LPP: variants seen among roughly 807,000 people sequenced by gnomAD.
LPP encodes lipoma-preferred partner.
LPP carries 38 observed loss-of-function variants against 60.4 expected under a neutral mutation model. The observed-to-expected ratio is 0.63, with a 90% confidence interval of 0.49 to 0.83. The LOEUF (loss-of-function observed/expected upper bound fraction) is 0.83, where lower values mean the gene tolerates loss of function less well. Among genes scored for constraint, LPP ranks in the 40% least tolerant of loss-of-function variants. The pLI, the probability that LPP is intolerant of heterozygous loss-of-function variation, is 0.00. For missense variants in LPP, 902 were observed against 783.6 expected (o/e 1.15, Z -1.80); for synonymous variants, 328 against 290.8 (o/e 1.13, Z -1.30).
intron 9 of LPP, among the ~76,000 whole-genome samples, chr3:188,762,053 CCATAGTTGATT>C (rs1732543940): frequency 6.6e-6 from 1 of 151,984 alleles, no homozygotes; most frequent in African/African-American, 2.4e-5. Context: ...CTTTTTGACT[CCATAGTTGATT>C]TTTGCTACTT....
chr3:188,676,979 G>T (rs931622941), intron 7 of LPP, among the ~76,000 whole-genome samples: 2 of 152,030 alleles, frequency 1.3e-5, no homozygotes, highest in African/African-American at 4.8e-5. Context: ...AGAGGTCCAT[G>T]TGGTAAAGAG....
At chr3:188,760,409 G>GT in intron 9 of LPP, 127 bp downstream of exon 9, 1 of 601,656 alleles carries the variant, frequency 1.7e-6, no homozygotes, top group Non-Finnish European at 3.0e-6. Context: ...GTGTGTGTGG[G>GT]GTGTGTGTGT....
chr3:188,769,539 G>C (rs1735197582), intron 9 of LPP, among the ~76,000 whole-genome samples: 1 of 152,170 alleles, frequency 6.6e-6, no homozygotes, highest in Non-Finnish European at 1.5e-5. Flanking sequence ...CGTATTAACT[G>C]CTGTTGTCAT....
chr3:188,698,054 G>A (rs1340096681), intron 7 of LPP, among the ~76,000 whole-genome samples: 1 of 152,182 alleles, frequency 6.6e-6, no homozygotes, highest in Non-Finnish European at 1.5e-5. Context: ...ACTGTAGCTT[G>A]TAATTGAGGA....
intron 4 of LPP, among the ~76,000 whole-genome samples, chr3:188,414,067 G>A (rs919347504): frequency 1.3e-5 from 2 of 152,072 alleles, no homozygotes; most frequent in Non-Finnish European, 2.9e-5. Context: ...TAATGGCACT[G>A]AGTGAAACAG....
intron 2 of LPP, among the ~76,000 whole-genome samples, chr3:188,275,485 G>T (rs1560188258): frequency 1.3e-5 from 2 of 152,178 alleles, no homozygotes; most frequent in Non-Finnish European, 2.9e-5. Context: ...TCAGTCCCCT[G>T]AGTAGCTGGG....
Position 188,600,467 on chromosome 3 carries a change from C to G in LPP, c.430-8694C>G, listed in dbSNP as rs928039231. 3.3e-5 allele frequency among the ~76,000 whole-genome samples: 5 copies of G among 151,432 alleles called. 1 individual carries two copies. Among genetic ancestry groups the G allele is most frequent in the Admixed American group, 6.6e-5 (1 of 15,140 alleles). On this transcript the variant is annotated intron_variant, in intron 6 of 11. Coordinates refer to ENST00000617246, the MANE Select transcript of LPP (RefSeq NM_001375462.1). ...TATAGATAGATGCATTACTTATCAA[C>G]AGGTATAAAACAATATTTTCTAACT...
At chr3:188,490,031 G>A (rs947661374) in intron 5 of LPP, among the ~76,000 whole-genome samples, 3 of 152,140 alleles carry the variant, frequency 2.0e-5, no homozygotes, top group African/African-American at 4.8e-5. Flanking sequence ...TTGTCCATTG[G>A]TGATTACTTC....
chr3:188,383,773 GT>G (rs947927309), intron 3 of LPP, among the ~76,000 whole-genome samples: 1 of 151,966 alleles, frequency 6.6e-6, no homozygotes, highest in African/African-American at 2.4e-5. Flanking sequence ...AAATGTCAAT[GT>G]TGCTACATAT....
At chr3:188,868,483 C>T (rs1767236286) in intron 10 of LPP, among the ~76,000 whole-genome samples, 1 of 152,122 alleles carries the variant, frequency 6.6e-6, no homozygotes, top group Non-Finnish European at 1.5e-5. Context: ...CTTCCCCACT[C>T]GTTCAATGCA....
At chr3:188,495,817 A>G (rs1395653948) in intron 5 of LPP, among the ~76,000 whole-genome samples, 1 of 152,192 alleles carries the variant, frequency 6.6e-6, no homozygotes, top group East Asian at 1.9e-4. Flanking sequence ...CCTTGTTCTG[A>G]AAGAAGGAGT....
intron 2 of LPP, among the ~76,000 whole-genome samples, chr3:188,299,517 C>T (rs1034167226): frequency 6.6e-6 from 1 of 152,116 alleles, no homozygotes; most frequent in African/African-American, 2.4e-5. Flanking sequence ...GCCTGGATAT[C>T]CCCTTAATAG....
chr3:188,272,031 A>T (rs560085411), intron 2 of LPP, among the ~76,000 whole-genome samples: 1 of 152,248 alleles, frequency 6.6e-6, no homozygotes, highest in South Asian at 2.1e-4. Flanking sequence ...ACAGCCACCA[A>T]GTCCTGGGAG....
At chr3:188,449,596 T>C (rs1302799207) in intron 4 of LPP, among the ~76,000 whole-genome samples, 1 of 152,122 alleles carries the variant, frequency 6.6e-6, no homozygotes, top group Non-Finnish European at 1.5e-5. Context: ...AGTAACTTTC[T>C]AAGCTCACAT....
chr3:188,491,906 C>T (rs1808488009), intron 5 of LPP, among the ~76,000 whole-genome samples: 1 of 152,154 alleles, frequency 6.6e-6, no homozygotes, highest in African/African-American at 2.4e-5. Flanking sequence ...CATAGTTTCT[C>T]TTCTTTACTT....
chr3:188,325,827 C>G (rs376070391), intron 2 of LPP, among the ~76,000 whole-genome samples: 30 of 152,226 alleles, frequency 2.0e-4, no homozygotes, highest in East Asian at 9.6e-4. Context: ...GCATCTGTAT[C>G]TCCGCCTGTA....
chr3:188,512,670 A>G (rs1664493695), intron 5 of LPP, among the ~76,000 whole-genome samples: 1 of 152,150 alleles, frequency 6.6e-6, no homozygotes, highest in Non-Finnish European at 1.5e-5. Flanking sequence ...GGAATATGGG[A>G]CATGGGAATT....
intron 4 of LPP, among the ~76,000 whole-genome samples, chr3:188,481,736 C>A (rs895734524): frequency 6.6e-6 from 1 of 152,114 alleles, no homozygotes; most frequent in Non-Finnish European, 1.5e-5. Context: ...TCTCAAAGTG[C>A]GATCTCAGAC....
intron 6 of LPP, among the ~76,000 whole-genome samples, chr3:188,557,347 A>G (rs1340957811): frequency 1.3e-5 from 2 of 152,114 alleles, no homozygotes; most frequent in Admixed American, 1.3e-4. Context: ...TTGCAAATCT[A>G]AATCAAGCAC....
Sources: allele counts gnomAD v4.1 joint callset (sites outside exome capture counted in the v4.1 genomes callset), GRCh38; gene constraint gnomAD v4.1.1; transcripts MANE v1.5; gene names NCBI Gene and HGNC (gene_info 2026-07-23, HGNC 2026-07-21).